LAMA2: variants seen among roughly 807,000 people sequenced by gnomAD.
The protein encoded by LAMA2 is laminin subunit alpha-2.
In LAMA2, 269 loss-of-function variants were observed where a neutral mutation model predicts 364.8. The observed-to-expected ratio is 0.74, with a 90% CI of 0.67 to 0.82. The LOEUF (loss-of-function observed/expected upper bound fraction) is 0.82. Among genes scored for constraint, LAMA2 ranks in the 40% least tolerant of loss-of-function variants. The pLI, the probability that LAMA2 is intolerant of heterozygous loss-of-function variation, is 0.00. For missense variants in LAMA2, 3,807 were observed against 3,873.2 expected, an observed-to-expected ratio of 0.98 and a Z score of 0.45; for synonymous variants, 1,379 against 1,370.6, an observed-to-expected ratio of 1.01 and a Z score of -0.14.
rs139072394 is a variant in LAMA2 at position 128,985,806 on chromosome 6, C to A, written c.113-64112C>A. Reference sequence around the variant, plus strand: ...GTATGCATATCTAAAAGTTAGAATTCTTTTTAAAATCATAATCTCAGTATA... The same window carrying A: ...GTATGCATATCTAAAAGTTAGAATTATTTTTAAAATCATAATCTCAGTATA... On this transcript the variant is annotated intron_variant, in intron 1 of 64. Coordinates refer to ENST00000421865, the MANE Select transcript of LAMA2 (RefSeq NM_000426.4). Among the ~76,000 whole-genome samples the A allele has an allele frequency of 3.6e-4, 55 of 151,998 alleles. 1 individual carries two copies. The East Asian group carries it at 9.3e-3, about 26-fold the overall frequency.
At chr6:128,887,393 A>T (rs1470123725) in intron 1 of LAMA2, among the ~76,000 whole-genome samples, 2 of 152,140 alleles carry the variant, frequency 1.3e-5, no homozygotes, top group African/African-American at 2.4e-5. Context: ...ATTTCAACAT[A>T]TTCAAAATAT....
intron 1 of LAMA2, among the ~76,000 whole-genome samples, chr6:128,965,613 A>G (rs1376904388): frequency 6.6e-6 from 1 of 152,026 alleles, no homozygotes; most frequent in Admixed American, 6.6e-5. Flanking sequence ...AGGAAAGGAG[A>G]TGTAATTCAA....
chr6:129,458,158 A>T lies in LAMA2; in HGVS notation c.6867+1664A>T, dbSNP rs1222969943. 2.0e-5 allele frequency among the ~76,000 whole-genome samples: 3 copies of T among 152,104 alleles called. No homozygotes were observed. In the East Asian group the frequency reaches 5.8e-4, roughly 29 times the overall value. On this transcript the variant is annotated intron_variant, in intron 48 of 64. Transcript: ENST00000421865. ...AGTAATTAGCAGAGCTGGGATTTGA[A>T]CATAGGTTAATAGGCACAGTGGTCT...
intron 58 of LAMA2, among the ~76,000 whole-genome samples, chr6:129,493,977 T>C (rs9372936): frequency 0.051 from 7,810 of 152,288 alleles, 433 homozygotes; most frequent in East Asian, 0.19. Context: ...TCAAGCTTTT[T>C]CATTATTTCC....
At chr6:129,172,130 G>A (rs1263482669) in intron 9 of LAMA2, among the ~76,000 whole-genome samples, 15 of 150,800 alleles carry the variant, frequency 9.9e-5, no homozygotes, top group Admixed American at 2.0e-4. Context: ...ATGTCCTCCC[G>A]TAGCTCAGAG....
intron 12 of LAMA2, among the ~76,000 whole-genome samples, chr6:129,233,796 A>G (rs747442560): frequency 6.6e-6 from 1 of 152,178 alleles, no homozygotes; most frequent in Non-Finnish European, 1.5e-5. Context: ...GGAGAAAGCA[A>G]TGGGATAAAA....
chr6:129,098,347 T>C lies in LAMA2; in HGVS notation c.571T>C (p.Tyr191His). The C allele has an allele frequency of 6.2e-7, 1 of 1,614,062 alleles. No homozygotes were observed. Among genetic ancestry groups the C allele is most frequent in the South Asian group, 1.1e-5 (1 of 91,080 alleles). Reference sequence around the variant, plus strand: ...TTATCCCCGCACTGGGCCACCGTCATATGCCAAAGATGATGAGGTCATCTG... The same window carrying C: ...TTATCCCCGCACTGGGCCACCGTCACATGCCAAAGATGATGAGGTCATCTG... ...NIYPRTGPPSYAKDDEVICTS... is the reference protein window; with the variant it reads ...NIYPRTGPPSHAKDDEVICTS... The change falls in exon 4 of 65, where the codon TAT becomes CAT. Residue 191 changes from tyrosine (Y) to histidine (H), a missense_variant. Tyr to His is a moderately conservative substitution (Grantham distance 83). This residue lies in a region of LAMA2 where 394 missense variants were observed against 403.5 expected (regional missense o/e 0.98). Coordinates refer to ENST00000421865, the MANE Select transcript of LAMA2 (RefSeq NM_000426.4).
At chr6:129,237,077 A>G (rs2115145190) in intron 12 of LAMA2, among the ~76,000 whole-genome samples, 1 of 152,288 alleles carries the variant, frequency 6.6e-6, no homozygotes, top group Admixed American at 6.5e-5. Flanking sequence ...CAATGCTTCA[A>G]TTCCCTCATC....
chr6:129,492,243 C>G, intron 57 of LAMA2, 72 bp from the exon 58 acceptor site: 1 of 1,511,664 alleles, frequency 6.6e-7, no homozygotes. Flanking sequence ...AAAAGGCATG[C>G]GGGGATTGGG....
intron 17 of LAMA2, among the ~76,000 whole-genome samples, chr6:129,274,870 CAT>C (rs925305660): frequency 5.9e-5 from 9 of 151,884 alleles, no homozygotes; most frequent in African/African-American, 1.9e-4. Flanking sequence ...ATGAAAGAGA[CAT>C]GTGAATCTCT....
intron 29 of LAMA2, among the ~76,000 whole-genome samples, chr6:129,330,999 G>T (rs1254421260): frequency 6.6e-6 from 1 of 152,006 alleles, no homozygotes; most frequent in Non-Finnish European, 1.5e-5. Context: ...CTCCTGAGTA[G>T]CTGGAACTAC....
At chr6:129,486,327 G>C in intron 55 of LAMA2, 147 bp from the exon 56 acceptor site, 1 of 771,230 alleles carries the variant, frequency 1.3e-6, no homozygotes. Context: ...ATTTCCAGCT[G>C]TTTTCAAAAC....
intron 2 of LAMA2, among the ~76,000 whole-genome samples, chr6:129,056,338 A>C (rs1163690948): frequency 6.6e-6 from 1 of 152,202 alleles, no homozygotes; most frequent in Non-Finnish European, 1.5e-5. Context: ...CATCATAAAG[A>C]CCTGACATCT....
chr6:129,137,350 G>C (rs1777855326), intron 4 of LAMA2, among the ~76,000 whole-genome samples: 1 of 151,866 alleles, frequency 6.6e-6, no homozygotes, highest in African/African-American at 2.4e-5. Context: ...TGAGTAGAAG[G>C]AATATTAAGG....
intron 38 of LAMA2, 84 bp from the exon 39 acceptor site, chr6:129,402,240 T>C: frequency 1.2e-6 from 1 of 841,646 alleles, no homozygotes; most frequent in Non-Finnish European, 1.9e-6. Context: ...AAACTAAACG[T>C]GTAGTTATGT....
intron 12 of LAMA2, among the ~76,000 whole-genome samples, chr6:129,243,894 G>A (rs1282162714): frequency 6.6e-6 from 1 of 151,776 alleles, no homozygotes; most frequent in African/African-American, 2.4e-5. Context: ...AGAAGGAGAT[G>A]AAGAAGAAAG....
intron 42 of LAMA2, among the ~76,000 whole-genome samples, chr6:129,440,302 A>G (rs1463520301): frequency 6.6e-6 from 1 of 152,132 alleles, no homozygotes; most frequent in African/African-American, 2.4e-5. Flanking sequence ...GTAACTTTTC[A>G]GATTTTCATG....
intron 9 of LAMA2, among the ~76,000 whole-genome samples, chr6:129,172,530 G>A (rs892697775): frequency 1.2e-4 from 19 of 152,336 alleles, no homozygotes; most frequent in Admixed American, 6.5e-4. Flanking sequence ...CAGTCTGCCC[G>A]TTCTTAGATC....
chr6:129,488,870 A>T (rs1222029712), intron 56 of LAMA2, among the ~76,000 whole-genome samples: 1 of 152,206 alleles, frequency 6.6e-6, no homozygotes, highest in Non-Finnish European at 1.5e-5. Context: ...CTATGGCATG[A>T]TTTGTGTCAC....
Sources: gnomAD v4.1 joint callset for allele counts (sites outside exome capture counted in the v4.1 genomes callset) on GRCh38, gnomAD v4.1.1 for gene constraint, gnomAD v4.1.1 regional missense constraint, MANE v1.5 for transcripts, NCBI Gene and HGNC (gene_info 2026-07-23, HGNC 2026-07-21) for gene names.